MSRA: variants seen among roughly 807,000 people sequenced by gnomAD.
MSRA encodes the protein methionine sulfoxide reductase A.
MSRA carries 54 observed loss-of-function variants against 31.3 expected under a neutral mutation model. The ratio of observed to expected loss-of-function variants is 1.73; its 90% confidence interval spans 1.39 to 2.17. The LOEUF (loss-of-function observed/expected upper bound fraction) is 2.17, where lower values mean the gene tolerates loss of function less well. MSRA is among the 30% of genes most tolerant of loss of function. MSRA has a pLI of 0.00. For missense variants in MSRA, 507 were observed against 300.9 expected, an observed-to-expected ratio of 1.69 and a Z score of -5.07; for synonymous variants, 169 against 116.5, an observed-to-expected ratio of 1.45 and a Z score of -2.90.
chr8:10,354,477 G>T (rs2129160947), intron 5 of MSRA, among the ~76,000 whole-genome samples: 2 of 152,240 alleles, frequency 1.3e-5, no homozygotes, highest in Middle Eastern at 3.4e-3. Context: ...GTTTATAGTG[G>T]AAAACAGGTA....
At chr8:10,182,004 G>A (rs952991868) in intron 1 of MSRA, among the ~76,000 whole-genome samples, 1 of 152,084 alleles carries the variant, frequency 6.6e-6, no homozygotes, top group Non-Finnish European at 1.5e-5. Context: ...TGAAATACAA[G>A]GGTGGGGCAG....
At chr8:10,137,946 T>C (rs754239119) in intron 1 of MSRA, among the ~76,000 whole-genome samples, 19 of 152,186 alleles carry the variant, frequency 1.2e-4, no homozygotes, top group East Asian at 7.7e-4. Flanking sequence ...GTATTTTTCA[T>C]AGAAGGAAAC....
At chr8:10,297,902 G>A (rs182781392) in intron 3 of MSRA, among the ~76,000 whole-genome samples, 6 of 152,264 alleles carry the variant, frequency 3.9e-5, no homozygotes, top group African/African-American at 7.2e-5. Context: ...TGACAGCCTC[G>A]TGTCAGTTAC....
intron 1 of MSRA, among the ~76,000 whole-genome samples, chr8:10,066,644 C>T (rs1266383387): frequency 6.6e-6 from 1 of 152,188 alleles, no homozygotes; most frequent in Non-Finnish European, 1.5e-5. Flanking sequence ...AGTGATTGTT[C>T]TGCCTCAGCC....
intron 2 of MSRA, among the ~76,000 whole-genome samples, chr8:10,242,482 C>T (rs193277694): frequency 2.6e-5 from 4 of 152,090 alleles, no homozygotes; most frequent in African/African-American, 9.7e-5. Flanking sequence ...TGGCAAACTT[C>T]TGATTCTTGA....
At chr8:10,074,083 T>G in intron 1 of MSRA, among the ~76,000 whole-genome samples, 1 of 115,558 alleles carries the variant, frequency 8.7e-6, no homozygotes, top group African/African-American at 3.6e-5. Context: ...TTTTTTTTTT[T>G]TTTTTTTTTT....
chr8:10,072,377 T>G (rs1797778661), intron 1 of MSRA, among the ~76,000 whole-genome samples: 1 of 152,150 alleles, frequency 6.6e-6, no homozygotes, highest in Non-Finnish European at 1.5e-5. Context: ...CTTTCTCCAT[T>G]GATTTGCTTC....
chr8:10,262,478 G>T (rs1798533426), intron 3 of MSRA, among the ~76,000 whole-genome samples: 1 of 152,156 alleles, frequency 6.6e-6, no homozygotes, highest in Admixed American at 6.5e-5. Context: ...GACATATGAT[G>T]TGGAGTATGT....
chr8:10,137,496 A>G (rs888550272), intron 1 of MSRA, among the ~76,000 whole-genome samples: 1 of 152,204 alleles, frequency 6.6e-6, no homozygotes, highest in Non-Finnish European at 1.5e-5. Context: ...AGATTGTGGT[A>G]TACTGGGAAA....
chr8:10,088,332 G>T (rs1037400857), intron 1 of MSRA, among the ~76,000 whole-genome samples: 3 of 152,146 alleles, frequency 2.0e-5, no homozygotes, highest in African/African-American at 7.2e-5. Context: ...CCTCTTCTGG[G>T]AATATAGCTA....
At chr8:10,324,732 G>A (rs923593081) in intron 5 of MSRA, among the ~76,000 whole-genome samples, 1 of 152,170 alleles carries the variant, frequency 6.6e-6, no homozygotes, top group African/African-American at 2.4e-5. Context: ...CAGGGAGCAG[G>A]AATAAGGGGC....
chr8:10,231,263 G>A (rs1811451193), intron 2 of MSRA, among the ~76,000 whole-genome samples: 1 of 152,092 alleles, frequency 6.6e-6, no homozygotes, highest in African/African-American at 2.4e-5. Flanking sequence ...CCGTCTAGCT[G>A]GGAAAAGAAA....
chr8:10,080,776 C>T (rs369647539), intron 1 of MSRA, among the ~76,000 whole-genome samples: 6 of 151,224 alleles, frequency 4.0e-5, no homozygotes, highest in African/African-American at 4.9e-5. Context: ...TGGGCTCAAG[C>T]GATCCTCCTG....
chr8:10,381,009 G>A (rs1806036396), intron 5 of MSRA, among the ~76,000 whole-genome samples: 1 of 152,004 alleles, frequency 6.6e-6, no homozygotes, highest in Non-Finnish European at 1.5e-5. Context: ...AGATGGATGG[G>A]TTTATGGATA....
intron 1 of MSRA, among the ~76,000 whole-genome samples, chr8:10,108,697 C>T (rs893948987): frequency 1.3e-5 from 2 of 152,102 alleles, no homozygotes; most frequent in Admixed American, 6.5e-5. Context: ...GCAGTCCTCA[C>T]GAGGGGGTGT....
intron 1 of MSRA, among the ~76,000 whole-genome samples, chr8:10,175,841 G>A (rs896745705): frequency 6.6e-5 from 10 of 152,156 alleles, no homozygotes; most frequent in Admixed American, 1.3e-4. Context: ...TCTATTCGCC[G>A]TTTTTAATAT....
intron 2 of MSRA, among the ~76,000 whole-genome samples, chr8:10,228,270 G>A (rs1021874804): frequency 2.0e-5 from 3 of 152,126 alleles, no homozygotes; most frequent in Non-Finnish European, 2.9e-5. Context: ...TTTCATCAAG[G>A]TGCGCCCTTT....
At chr8:10,075,506 T>G (rs1418073998) in intron 1 of MSRA, among the ~76,000 whole-genome samples, 1 of 152,206 alleles carries the variant, frequency 6.6e-6, no homozygotes, top group Non-Finnish European at 1.5e-5. Flanking sequence ...ATGATTCATG[T>G]TGAATATTTA....
chr8:10,333,816 C>A (rs760027897), intron 5 of MSRA, among the ~76,000 whole-genome samples: 1 of 152,096 alleles, frequency 6.6e-6, no homozygotes, highest in Non-Finnish European at 1.5e-5. Flanking sequence ...CCCACCCCCC[C>A]CACGCTGAGT....
Sources: allele counts gnomAD v4.1 joint callset (sites outside exome capture counted in the v4.1 genomes callset), GRCh38; gene constraint gnomAD v4.1.1; transcripts MANE v1.5; gene names NCBI Gene and HGNC (gene_info 2026-07-23, HGNC 2026-07-21).